CEMIP: variants seen among roughly 807,000 people sequenced by gnomAD.
CEMIP encodes the protein cell migration-inducing and hyaluronan-binding protein.
Under a neutral mutation model 156.9 loss-of-function variants are expected in CEMIP, and 105 were observed. That is an observed-to-expected ratio of 0.67 (90% CI 0.57 to 0.79). The LOEUF is 0.79. Among genes scored for constraint, CEMIP ranks in the 30% least tolerant of loss-of-function variants. CEMIP has a pLI of 0.00. For synonymous variants in CEMIP, 676 were observed against 668.4 expected (o/e 1.01, Z -0.17); for missense variants, 1,457 against 1,769.4 (o/e 0.82, Z 3.17).
At chr15:80,920,073 C>T (rs757966017) in intron 14 of CEMIP, 21 bp from the exon 15 acceptor site, 1 of 1,612,844 alleles carries the variant, frequency 6.2e-7, no homozygotes, top group Non-Finnish European at 8.5e-7. Flanking sequence ...TGGTGAAACA[C>T]CCCTGTCTTG....
In CEMIP at chr15:80,933,472, A is replaced by G; in HGVS notation, c.3009+12A>G. 1 of 1,607,724 alleles carries G rather than the reference A, an allele frequency of 6.2e-7. No individual in the cohort carries two copies. Among genetic ancestry groups the G allele is most frequent in the Admixed American group, 1.7e-5 (1 of 59,982 alleles). On this transcript the variant is annotated intron_variant, in intron 23 of 29. Coordinates refer to ENST00000394685, the MANE Select transcript of CEMIP (RefSeq NM_001293298.2). Reference sequence around the variant, plus strand: ...GGTGCTATGCACAGGTGGGGACACCATTCTGGGGGCCGGCCACTCACTTAT... The same window carrying G: ...GGTGCTATGCACAGGTGGGGACACCGTTCTGGGGGCCGGCCACTCACTTAT...
At chr15:80,814,550 A>C (rs558019243) in intron 1 of CEMIP, among the ~76,000 whole-genome samples, 9 of 152,044 alleles carry the variant, frequency 5.9e-5, no homozygotes, top group Admixed American at 3.9e-4. Context: ...AATGTCACCC[A>C]CTCTTAGAAT....
intron 12 of CEMIP, among the ~76,000 whole-genome samples, chr15:80,899,225 A>G (rs112533211): frequency 6.3e-5 from 8 of 126,788 alleles, no homozygotes; most frequent in Non-Finnish European, 6.6e-5. Flanking sequence ...AAAAAAAAAA[A>G]AAAGAAAGAA....
intron 12 of CEMIP, chr15:80,900,828 A>C (rs895699090): frequency 2.5e-6 from 1 of 398,608 alleles, no homozygotes; most frequent in Non-Finnish European, 5.0e-6. Context: ...CCACCCACCC[A>C]CCTAGGGACA....
intron 1 of CEMIP, among the ~76,000 whole-genome samples, chr15:80,833,493 TTA>T (rs1024664562): frequency 6.6e-6 from 1 of 152,036 alleles, no homozygotes; most frequent in African/African-American, 2.4e-5. Flanking sequence ...AGGAATCAGG[TTA>T]TATCCAAACA....
At chr15:80,799,171 C>T (rs1896309374) in intron 1 of CEMIP, among the ~76,000 whole-genome samples, 1 of 152,210 alleles carries the variant, frequency 6.6e-6, no homozygotes, top group African/African-American at 2.4e-5. Context: ...CAGACCAGGC[C>T]TGGGTATGTC....
intron 6 of CEMIP, among the ~76,000 whole-genome samples, chr15:80,882,871 G>C (rs1332959911): frequency 1.3e-5 from 2 of 152,110 alleles, no homozygotes; most frequent in African/African-American, 4.8e-5. Context: ...AAAGGTAGTA[G>C]GTGCTTGATC....
chr15:80,843,851 G>T (rs1381676521), intron 1 of CEMIP, among the ~76,000 whole-genome samples: 2 of 152,184 alleles, frequency 1.3e-5, no homozygotes, highest in Non-Finnish European at 2.9e-5. Flanking sequence ...CCTCACTCCA[G>T]AGAATAGCTA....
At chr15:80,941,762 G>T in intron 25 of CEMIP, 87 bp from the exon 26 acceptor site, 2 of 1,250,140 alleles carry the variant, frequency 1.6e-6, no homozygotes, top group Non-Finnish European at 1.2e-6. Flanking sequence ...GCTATGACCA[G>T]CTCAGAGTAA....
intron 19 of CEMIP, among the ~76,000 whole-genome samples, chr15:80,926,913 C>T (rs1167379824): frequency 2.0e-5 from 3 of 151,416 alleles, no homozygotes; most frequent in Non-Finnish European, 4.4e-5. Flanking sequence ...ACACTGCAAC[C>T]TCTGCTTCCT....
chr15:80,913,752 CCAAA>C (rs1276122185), intron 14 of CEMIP, among the ~76,000 whole-genome samples: 3 of 152,192 alleles, frequency 2.0e-5, no homozygotes, highest in Non-Finnish European at 4.4e-5. Flanking sequence ...TAGCAAGTAT[CCAAA>C]CAAACAAAAA....
At chr15:80,867,810 T>C in intron 1 of CEMIP, among the ~76,000 whole-genome samples, 1 of 152,168 alleles carries the variant, frequency 6.6e-6, no homozygotes, top group East Asian at 1.9e-4. Flanking sequence ...GAGATGCATT[T>C]TTCTGTCAGG....
chr15:80,863,003 C>A (rs965888562), intron 1 of CEMIP, among the ~76,000 whole-genome samples: 1 of 152,152 alleles, frequency 6.6e-6, no homozygotes, highest in East Asian at 1.9e-4. Context: ...GGCCAGGACC[C>A]TTCCTCGCTG....
intron 4 of CEMIP, among the ~76,000 whole-genome samples, 176 bp from the exon 5 acceptor site, chr15:80,879,540 A>G (rs113662941): frequency 1.1e-4 from 17 of 152,268 alleles, no homozygotes; most frequent in African/African-American, 2.9e-4. Flanking sequence ...AATTCCCTTC[A>G]GATACTGAGG....
intron 1 of CEMIP, among the ~76,000 whole-genome samples, chr15:80,830,568 A>T (rs991530977): frequency 3.3e-5 from 5 of 152,032 alleles, no homozygotes; most frequent in African/African-American, 9.7e-5. Flanking sequence ...GGGTACTTTG[A>T]GCAGGAAAGG....
At chr15:80,936,651 GT>G in intron 23 of CEMIP, 22 bp from the exon 24 acceptor site, 1 of 1,595,140 alleles carries the variant, frequency 6.3e-7, no homozygotes. Flanking sequence ...CTCATTGTGT[GT>G]TTCCTTTTTG....
At chr15:80,781,774 A>G (rs1192832244) in intron 1 of CEMIP, among the ~76,000 whole-genome samples, 1 of 152,250 alleles carries the variant, frequency 6.6e-6, no homozygotes, top group Non-Finnish European at 1.5e-5. Context: ...CAGGGTTGCT[A>G]TGAGAATTAC....
chr15:80,785,505 T>C (rs1464264848), intron 1 of CEMIP, among the ~76,000 whole-genome samples: 1 of 152,182 alleles, frequency 6.6e-6, no homozygotes, highest in Non-Finnish European at 1.5e-5. Context: ...AGGCAGGCCC[T>C]GAATGAGTCA....
rs780487886 is a variant in CEMIP, at chr15:80,922,116, C to T, written c.2181C>T (p.Asn727=). The change falls in exon 17 of 30, where the codon AAC becomes AAT. Residue 727 remains asparagine, a synonymous_variant. Transcript: ENST00000394685. ...EHIPLGKFYN[N]RAHSNYRAGM... ...TTCCACTGGGAAAATTCTATAACAA[C>T]CGAGCACATTCCAACTACCGGGTAA... is the stretch of plus-strand genomic sequence containing the variant. 1.2e-6 allele frequency: 2 copies of T among 1,614,274 alleles called. No individual in the cohort carries two copies. Among genetic ancestry groups the T allele is most frequent in the South Asian group, 1.1e-5 (1 of 91,090 alleles).
Sources: gnomAD v4.1 joint callset for allele counts (sites outside exome capture counted in the v4.1 genomes callset) on GRCh38, gnomAD v4.1.1 for gene constraint, MANE v1.5 for transcripts, NCBI Gene and HGNC (gene_info 2026-07-23, HGNC 2026-07-21) for gene names.